ATXN7L1: variants seen among roughly 807,000 people sequenced by gnomAD.
ATXN7L1 encodes ataxin-7-like protein 1.
ATXN7L1 carries 15 observed loss-of-function variants against 70.8 expected under a neutral mutation model. The observed-to-expected ratio is 0.21, with a 90% CI of 0.14 to 0.33. ATXN7L1 has a LOEUF of 0.33. Among genes scored for constraint, ATXN7L1 ranks in the 10% least tolerant of loss-of-function variants. The pLI, the probability that ATXN7L1 is intolerant of heterozygous loss-of-function variation, is 1.00. For synonymous variants in ATXN7L1, 440 were observed against 445.1 expected (o/e 0.99, Z 0.14); for missense variants, 975 against 1,097.1 (o/e 0.89, Z 1.57).
chr7:105,855,998 T>A (rs1238056960), intron 2 of ATXN7L1, among the ~76,000 whole-genome samples: 2 of 152,236 alleles, frequency 1.3e-5, no homozygotes, highest in South Asian at 4.1e-4. Context: ...ATCATGTCTC[T>A]AGCTTTATTG....
chr7:105,655,474 AG>A (rs899526269), intron 4 of ATXN7L1, among the ~76,000 whole-genome samples: 1 of 152,292 alleles, frequency 6.6e-6, no homozygotes, highest in East Asian at 1.9e-4. Context: ...GGGCAGAGTG[AG>A]GGGCAAGGAG....
At chr7:105,711,767 C>G (rs79974187) in intron 3 of ATXN7L1, among the ~76,000 whole-genome samples, 16,667 of 152,218 alleles carry the variant, frequency 0.11, 1,238 homozygotes, top group African/African-American at 0.21. Flanking sequence ...AGATGTTGGT[C>G]TATCTACCAT....
At position 105,820,126 on chromosome 7, in the gene ATXN7L1, CAAAAAA is replaced by C. The variant is rs562797891; in HGVS notation, c.251-31424_251-31419del. ...AGCCCAGTAAAGACTGTTTATTCCT[CAAAAAA>C]AAAAAAAAAAAAAAAAAAAAAAAGC... On this transcript the variant is annotated intron_variant, in intron 2 of 11. Transcript: ENST00000419735. 19 of 64,308 alleles carry C rather than the reference CAAAAAA, an allele frequency of 3.0e-4. 1 individual carries two copies. The highest frequency in any genetic ancestry group is 1.3e-3 in the South Asian group (4 of 2,990). 4.0% of individuals were successfully genotyped at this position (64,308 alleles called of 1,614,324 possible).
At chr7:105,733,870 CCATCCATCCATCATCCAT>C (rs1563049733) in intron 3 of ATXN7L1, among the ~76,000 whole-genome samples, 818 of 144,164 alleles carry the variant, frequency 5.7e-3, no homozygotes, top group Non-Finnish European at 8.3e-3. Flanking sequence ...ATCCATCCAT[CCATCCATCCATCATCCAT>C]CATCCATCCA....
intron 10 of ATXN7L1, among the ~76,000 whole-genome samples, chr7:105,612,047 TG>T (rs1246688533): frequency 1.3e-5 from 2 of 152,206 alleles, no homozygotes; most frequent in Non-Finnish European, 2.9e-5. Flanking sequence ...CCACCGCTTC[TG>T]GCTGACTCAG....
At chr7:105,667,564 TGGC>T (rs1412742115) in intron 3 of ATXN7L1, among the ~76,000 whole-genome samples, 1 of 133,808 alleles carries the variant, frequency 7.5e-6, no homozygotes, top group Non-Finnish European at 1.6e-5. Context: ...CCGGGCGTAG[TGGC>T]GGGCGCCTGT....
intron 3 of ATXN7L1, among the ~76,000 whole-genome samples, chr7:105,751,247 C>T (rs560810069): frequency 2.6e-5 from 4 of 152,182 alleles, no homozygotes; most frequent in East Asian, 3.9e-4. Flanking sequence ...TGTTATAAAA[C>T]TCTCAATGGA....
intron 3 of ATXN7L1, among the ~76,000 whole-genome samples, chr7:105,666,535 C>A (rs185537167): frequency 9.8e-5 from 15 of 152,320 alleles, no homozygotes; most frequent in Admixed American, 9.8e-4. Flanking sequence ...CCAGCTGCGA[C>A]AGGAGTCTGG....
intron 4 of ATXN7L1, among the ~76,000 whole-genome samples, chr7:105,662,074 CCTTCCTTCTTTCTTTTCT>C (rs1237442613): frequency 4.6e-4 from 38 of 83,152 alleles, no homozygotes; most frequent in African/African-American, 1.2e-3. Context: ...TTCCTTCCTT[CCTTCCTTCTTTCTTTTCT>C]TTTCTTTTCT....
intron 3 of ATXN7L1, among the ~76,000 whole-genome samples, chr7:105,748,677 C>T (rs964697815): frequency 1.8e-4 from 27 of 152,142 alleles, no homozygotes; most frequent in Admixed American, 7.9e-4. Context: ...AGTCTTCTCC[C>T]TCAGGCCTGA....
intron 2 of ATXN7L1, among the ~76,000 whole-genome samples, chr7:105,821,975 C>A (rs1008188930): frequency 6.6e-6 from 1 of 152,242 alleles, no homozygotes; most frequent in Non-Finnish European, 1.5e-5. Context: ...GCCCCAGACA[C>A]CTTTCAGTGA....
chr7:105,639,298 C>G (rs912694968), intron 6 of ATXN7L1, among the ~76,000 whole-genome samples, 189 bp downstream of exon 6: 1 of 122,558 alleles, frequency 8.2e-6, no homozygotes, highest in Non-Finnish European at 1.7e-5. Context: ...TTTTCTCCTT[C>G]TTAAAAAGCC....
chr7:105,650,625 G>C (rs2115976337), intron 4 of ATXN7L1, among the ~76,000 whole-genome samples: 2 of 152,360 alleles, frequency 1.3e-5, no homozygotes, highest in South Asian at 4.1e-4. Context: ...TTTCAGCCTA[G>C]AGTGATACCA....
intron 2 of ATXN7L1, among the ~76,000 whole-genome samples, chr7:105,863,202 C>T (rs1816898766): frequency 2.0e-5 from 3 of 152,210 alleles, no homozygotes; most frequent in Admixed American, 2.0e-4. Context: ...TGGCAACCAT[C>T]TTTGCTAACA....
chr7:105,610,501 T>TGGGGC, intron 11 of ATXN7L1, 28 bp downstream of exon 11: 13 of 1,526,706 alleles, frequency 8.5e-6, no homozygotes, highest in Non-Finnish European at 1.2e-5. Flanking sequence ...TATGAATTTT[T>TGGGGC]GCCCCACCCC....
intron 7 of ATXN7L1, among the ~76,000 whole-genome samples, chr7:105,628,307 C>G (rs1796043733): frequency 6.6e-6 from 1 of 152,074 alleles, no homozygotes; most frequent in Non-Finnish European, 1.5e-5. Context: ...GTTCAATATA[C>G]TATTCTCTCT....
intron 3 of ATXN7L1, among the ~76,000 whole-genome samples, chr7:105,757,309 A>C (rs1462253813): frequency 6.6e-6 from 1 of 152,196 alleles, no homozygotes; most frequent in African/African-American, 2.4e-5. Context: ...AGAAGGATGG[A>C]GGCAAATTTC....
chr7:105,724,342 G>A (rs1277191625), intron 3 of ATXN7L1, among the ~76,000 whole-genome samples: 1 of 152,150 alleles, frequency 6.6e-6, no homozygotes, highest in Non-Finnish European at 1.5e-5. Context: ...GGGAGGCCAA[G>A]GCAGGCGGAT....
chr7:105,750,895 C>T (rs771610109), intron 3 of ATXN7L1, among the ~76,000 whole-genome samples: 5 of 152,318 alleles, frequency 3.3e-5, no homozygotes, highest in Admixed American at 6.5e-5. Flanking sequence ...AAGCCTTCCA[C>T]GATCTGGTTC....
Sources: gnomAD v4.1 joint callset for allele counts (sites outside exome capture counted in the v4.1 genomes callset) on GRCh38, gnomAD v4.1.1 for gene constraint, MANE v1.5 for transcripts, NCBI Gene and HGNC (gene_info 2026-07-23, HGNC 2026-07-21) for gene names.